Variants in PHTF2 observed in about 807,000 individuals in gnomAD.
PHTF2 encodes protein PHTF2.
PHTF2 carries 60 observed loss-of-function variants against 101.2 expected under a neutral mutation model. The ratio of observed to expected loss-of-function variants is 0.59; its 90% CI spans 0.48 to 0.73. PHTF2 has a LOEUF of 0.73. Among genes scored for constraint, PHTF2 ranks in the 30% least tolerant of loss-of-function variants. PHTF2 has a pLI of 0.00. For missense variants in PHTF2, 747 were observed against 908.7 expected (o/e 0.82, Z 2.29); for synonymous variants, 311 against 307.3 (o/e 1.01, Z -0.13).
intron 1 of PHTF2, among the ~76,000 whole-genome samples, chr7:77,833,453 A>G (rs1414801371): frequency 6.6e-6 from 1 of 152,158 alleles, no homozygotes; most frequent in Non-Finnish European, 1.5e-5. Flanking sequence ...TATAAAAACT[A>G]CCTTTAAAAA....
intron 7 of PHTF2, 108 bp from the exon 7 acceptor site, chr7:77,908,685 A>T (rs1291198333): frequency 1.5e-6 from 1 of 671,762 alleles, no homozygotes; most frequent in Non-Finnish European, 2.4e-6. Flanking sequence ...AACTCATTTA[A>T]ATTTAGAAAA....
At chr7:77,867,399 C>A (rs1218605350) in intron 3 of PHTF2, among the ~76,000 whole-genome samples, 2 of 152,106 alleles carry the variant, frequency 1.3e-5, no homozygotes, top group Non-Finnish European at 2.9e-5. Context: ...GTTTGAATTC[C>A]TGTTTATTGC....
chr7:77,818,517 C>T (rs1794030043), intron 1 of PHTF2, among the ~76,000 whole-genome samples: 1 of 152,156 alleles, frequency 6.6e-6, no homozygotes, highest in Admixed American at 6.5e-5. Context: ...GCTATCCTTT[C>T]CTCAATGAGT....
chr7:77,850,071 C>T (rs1328754060), intron 2 of PHTF2, among the ~76,000 whole-genome samples: 1 of 151,760 alleles, frequency 6.6e-6, no homozygotes, highest in Non-Finnish European at 1.5e-5. Context: ...TGGGCAGTGG[C>T]TGGGCATGGT....
chr7:77,875,748 G>A (rs1004980614), intron 3 of PHTF2, among the ~76,000 whole-genome samples: 2 of 151,854 alleles, frequency 1.3e-5, no homozygotes, highest in African/African-American at 2.4e-5. Context: ...TAGTAGAGAC[G>A]GGGTTTCAGT....
chr7:77,868,326 T>A (rs945441522), intron 3 of PHTF2, among the ~76,000 whole-genome samples: 7 of 137,072 alleles, frequency 5.1e-5, no homozygotes, highest in Non-Finnish European at 1.1e-4. Flanking sequence ...AAAAAAATTT[T>A]TTTTTTTTTT....
rs549815618 is a variant in PHTF2 at position 77,922,891 on chromosome 7, ATATT to A, written c.1119+118_1119+121del. ...AAATAAATATTTCACATTATTATCA[ATATT>A]TATTATTGTTGTATGATCTGGATTT... On this transcript the variant is annotated intron_variant, in intron 11 of 19. Coordinates refer to ENST00000416283, the Ensembl canonical transcript of PHTF2. 249 of 1,276,702 alleles carry A rather than the reference ATATT, an allele frequency of 2.0e-4. 1 individual carries two copies. The East Asian group carries it at 6.3e-3, about 33-fold the overall frequency. 79.1% of individuals were successfully genotyped at this position (1,276,702 alleles called of 1,614,324 possible). A position where few individuals can be genotyped will look rare whatever the true frequency, so the allele number is the denominator to read the frequency against.
intron 1 of PHTF2, among the ~76,000 whole-genome samples, chr7:77,814,802 C>T (rs897271569): frequency 1.1e-4 from 17 of 151,968 alleles, no homozygotes; most frequent in African/African-American, 3.6e-4. Context: ...AGGCCGGGTG[C>T]GGTGGCTTAG....
intron 3 of PHTF2, among the ~76,000 whole-genome samples, chr7:77,873,084 A>G (rs1798650634): frequency 6.6e-6 from 1 of 152,010 alleles, no homozygotes; most frequent in South Asian, 2.1e-4. Flanking sequence ...ATGTGCCACT[A>G]TGCCTGGCTA....
intron 1 of PHTF2, among the ~76,000 whole-genome samples, chr7:77,829,573 G>C (rs751464946): frequency 7.2e-5 from 11 of 152,164 alleles, no homozygotes; most frequent in Admixed American, 1.3e-4. Flanking sequence ...TGATTACAAA[G>C]TAGGAACCCT....
At chr7:77,840,707 A>G (rs563883777) in intron 2 of PHTF2, among the ~76,000 whole-genome samples, 1 of 151,990 alleles carries the variant, frequency 6.6e-6, no homozygotes, top group Non-Finnish European at 1.5e-5. Flanking sequence ...AGTTTTGGGA[A>G]CTCTATTTTA....
At chr7:77,898,327 T>G (rs1167264667) in intron 5 of PHTF2, among the ~76,000 whole-genome samples, 2 of 152,196 alleles carry the variant, frequency 1.3e-5, no homozygotes, top group African/African-American at 4.8e-5. Context: ...TTCAAGTTGT[T>G]AGGGAAGCAA....
chr7:77,947,571 T>A (rs1010987961), intron 16 of PHTF2, among the ~76,000 whole-genome samples: 1 of 151,406 alleles, frequency 6.6e-6, no homozygotes, highest in African/African-American at 2.4e-5. Flanking sequence ...TCAAAAAAAA[T>A]TAAAAAAAGA....
rs758560142 is a variant in PHTF2 at position 77,900,782 on chromosome 7, T to C, written c.286+2T>C. The C allele has an allele frequency of 6.8e-7, 1 of 1,464,580 alleles. No homozygotes were observed. The highest frequency in any genetic ancestry group is 1.7e-5 in the Admixed American group (1 of 59,740). 90.7% of individuals were successfully genotyped at this position (1,464,580 alleles called of 1,614,324 possible). A position where few individuals can be genotyped will look rare whatever the true frequency, so the allele number is the denominator to read the frequency against. On this transcript the variant is annotated splice_donor_variant, in intron 6 of 19. Transcript: ENST00000416283. LOFTEE classifies it high-confidence loss of function. The stretch of plus-strand genomic sequence containing the variant: ...TCATAGATGTTGATCTTGTAAGAGG[T>C]GAGTCTGATAAATAAATGCTTAATA...
At chr7:77,896,215 A>T (rs2150810635) in intron 5 of PHTF2, among the ~76,000 whole-genome samples, 1 of 152,282 alleles carries the variant, frequency 6.6e-6, no homozygotes, top group Admixed American at 6.5e-5. Context: ...TAGCTTGCGT[A>T]GCAGTCAAGT....
At chr7:77,892,364 A>G (rs372699339) in intron 3 of PHTF2, among the ~76,000 whole-genome samples, 32 of 152,358 alleles carry the variant, frequency 2.1e-4, no homozygotes, top group African/African-American at 7.5e-4. Flanking sequence ...CTTTGTGTCT[A>G]CTTTTAACCC....
At chr7:77,928,627 A>G (rs938819229) in intron 11 of PHTF2, among the ~76,000 whole-genome samples, 1 of 152,226 alleles carries the variant, frequency 6.6e-6, no homozygotes, top group African/African-American at 2.4e-5. Context: ...CTGATGACAC[A>G]TAAGTCAGCC....
intron 3 of PHTF2, among the ~76,000 whole-genome samples, chr7:77,885,150 A>G (rs1799727454): frequency 2.0e-5 from 3 of 152,020 alleles, no homozygotes; most frequent in Admixed American, 1.3e-4. Flanking sequence ...CTGGAGTGCA[A>G]TGGTGCAATC....
chr7:77,916,670 C>A (rs1802956528), intron 9 of PHTF2, among the ~76,000 whole-genome samples: 1 of 152,138 alleles, frequency 6.6e-6, no homozygotes, highest in Admixed American at 6.6e-5. Flanking sequence ...GGATACCAAC[C>A]TCTGAGGATG....
Sources: gnomAD v4.1 joint callset for allele counts (sites outside exome capture counted in the v4.1 genomes callset) on GRCh38, gnomAD v4.1.1 for gene constraint, MANE v1.5 for transcripts, NCBI Gene and HGNC (gene_info 2026-07-23, HGNC 2026-07-21) for gene names.